COL26A1: variants seen among roughly 807,000 people sequenced by gnomAD.
COL26A1 encodes collagen alpha-1(XXVI) chain.
COL26A1 carries 41 observed loss-of-function variants against 59.3 expected under a neutral mutation model. That is an observed-to-expected ratio of 0.69 (90% CI 0.54 to 0.90). COL26A1 has a LOEUF of 0.90. Among genes scored for constraint, COL26A1 ranks in the 40% least tolerant of loss-of-function variants. The probability of loss-of-function intolerance (pLI) is 0.00; values close to 1 mark genes in which losing one functional copy is unlikely to be tolerated. For synonymous variants in COL26A1, 266 were observed against 256.0 expected (o/e 1.04, Z -0.37); for missense variants, 612 against 602.3 (o/e 1.02, Z -0.17).
chr7:101,557,537 A>G lies in COL26A1; in HGVS notation c.*7A>G. On this transcript the variant is annotated 3_prime_UTR_variant, in exon 13 of 13. Transcript: ENST00000313669. ...GGCCAGCAGCAGGAAGTGAGAGCCC[A>G]CTGCTCCAGGACACCCTGTCCTGGC... 6.2e-7 allele frequency: 1 copy of G among 1,603,622 alleles called. No homozygotes were observed. Among genetic ancestry groups the G allele is most frequent in the Non-Finnish European group, 8.5e-7 (1 of 1,173,116 alleles).
At chr7:101,397,371 T>C (rs1791879860) in intron 1 of COL26A1, among the ~76,000 whole-genome samples, 1 of 150,866 alleles carries the variant, frequency 6.6e-6, no homozygotes, top group Non-Finnish European at 1.5e-5. Context: ...CTTCCTTCCT[T>C]CTTCTTCATC....
intron 2 of COL26A1, among the ~76,000 whole-genome samples, chr7:101,435,238 A>C (rs1792887165): frequency 6.6e-6 from 1 of 152,166 alleles, no homozygotes; most frequent in African/African-American, 2.4e-5. Flanking sequence ...AGACGTGCTC[A>C]AACCCGGGAG....
chr7:101,473,471 G>T (rs1793954028), intron 3 of COL26A1, among the ~76,000 whole-genome samples: 1 of 116,100 alleles, frequency 8.6e-6, no homozygotes, highest in African/African-American at 3.3e-5. Context: ...GTCAAACCTG[G>T]TCCCACCACC....
chr7:101,387,311 T>C lies in COL26A1; in HGVS notation c.158+24121T>C, dbSNP rs996434381. On this transcript the variant is annotated intron_variant, in intron 1 of 12. Coordinates refer to ENST00000313669, the MANE Select transcript of COL26A1 (RefSeq NM_001278563.3). ...AGCCCATAGCCCAGCAGGCTCTGGG[T>C]GCTTCAGGGTTCAGGCTCCTGTGGT... 3.3e-5 allele frequency among the ~76,000 whole-genome samples: 5 copies of C among 151,310 alleles called. No homozygotes were observed. The Admixed American group carries it at 3.3e-4, about 10-fold the overall frequency.
chr7:101,426,542 A>T (rs1385944121), intron 2 of COL26A1, among the ~76,000 whole-genome samples: 1 of 152,092 alleles, frequency 6.6e-6, no homozygotes, highest in African/African-American at 2.4e-5. Context: ...GAGGAAGGGG[A>T]TGGGACACAG....
chr7:101,489,836 TTCTTTC>T (rs1794399953), intron 3 of COL26A1, among the ~76,000 whole-genome samples: 1 of 17,496 alleles, frequency 5.7e-5, no homozygotes, highest in African/African-American at 5.4e-4. Flanking sequence ...CTTTCTTTCT[TTCTTTC>T]TTTCTTTCTT....
chr7:101,425,293 G>A (rs947729801), intron 2 of COL26A1, among the ~76,000 whole-genome samples: 1 of 152,096 alleles, frequency 6.6e-6, no homozygotes. Flanking sequence ...ACTGAGGCAG[G>A]AGAATCGCTT....
chr7:101,431,302 G>T (rs975039671), intron 2 of COL26A1, among the ~76,000 whole-genome samples: 21 of 151,930 alleles, frequency 1.4e-4, no homozygotes, highest in Admixed American at 1.1e-3. Flanking sequence ...GCCCAGGCTG[G>T]AGTGCACTGG....
At chr7:101,400,552 A>G (rs1791972839) in intron 1 of COL26A1, among the ~76,000 whole-genome samples, 1 of 147,100 alleles carries the variant, frequency 6.8e-6, no homozygotes, top group African/African-American at 2.5e-5. Flanking sequence ...ATTTTATTTT[A>G]TTTTTTGTTT....
chr7:101,505,014 G>A (rs941267600), intron 3 of COL26A1, among the ~76,000 whole-genome samples: 1 of 152,206 alleles, frequency 6.6e-6, no homozygotes, highest in Non-Finnish European at 1.5e-5. Flanking sequence ...AATTAGCCGG[G>A]TATGGTGGCG....
intron 3 of COL26A1, among the ~76,000 whole-genome samples, chr7:101,455,831 C>T (rs557726070): frequency 5.9e-5 from 9 of 152,140 alleles, no homozygotes; most frequent in Admixed American, 1.3e-4. Flanking sequence ...TGCAGGTGCA[C>T]GCCACCAGGC....
chr7:101,402,174 G>A (rs1283368076), intron 1 of COL26A1, among the ~76,000 whole-genome samples: 1 of 152,154 alleles, frequency 6.6e-6, no homozygotes, highest in Non-Finnish European at 1.5e-5. Flanking sequence ...CCAGAGCCTG[G>A]TCCTTTGGAA....
intron 1 of COL26A1, among the ~76,000 whole-genome samples, chr7:101,376,149 AAAAAGAAT>A (rs1379523569): frequency 1.3e-5 from 2 of 151,334 alleles, no homozygotes; most frequent in Non-Finnish European, 2.9e-5. Flanking sequence ...AAAAAAAAAA[AAAAAGAAT>A]AGAAACTAGC....
At position 101,557,426 on chromosome 7, in the gene COL26A1, C is replaced by T. The variant is rs1434198793; in HGVS notation, c.1222C>T (p.Leu408Phe). 1.2e-6 allele frequency: 2 copies of T among 1,613,802 alleles called. No individual in the cohort carries two copies. The highest frequency in any genetic ancestry group is 1.1e-5 in the South Asian group (1 of 91,060). The change falls in exon 13 of 13, where the codon CTC becomes TTC. Residue 408 changes from leucine to phenylalanine, a missense_variant. Coordinates refer to ENST00000313669, the MANE Select transcript of COL26A1 (RefSeq NM_001278563.3). ...SGQDAALRAN[L>F]KMKRGGAQPD... Reference sequence around the variant, plus strand: ...CCAGGATGCTGCCCTGAGAGCCAACCTCAAGATGAAGAGGGGTGGCGCCCA... The same window carrying T: ...CCAGGATGCTGCCCTGAGAGCCAACTTCAAGATGAAGAGGGGTGGCGCCCA...
intron 3 of COL26A1, among the ~76,000 whole-genome samples, chr7:101,506,548 T>A (rs1584471249): frequency 6.6e-6 from 1 of 152,180 alleles, no homozygotes; most frequent in East Asian, 1.9e-4. Flanking sequence ...AGGGGTGAGC[T>A]GCAGGGCTGG....
chr7:101,387,738 A>T (rs1175525375), intron 1 of COL26A1, among the ~76,000 whole-genome samples: 20 of 101,206 alleles, frequency 2.0e-4, no homozygotes, highest in East Asian at 7.2e-4. Flanking sequence ...TAATATAATT[A>T]TATATATATA....
At chr7:101,485,043 G>A (rs1794239192) in intron 3 of COL26A1, among the ~76,000 whole-genome samples, 1 of 151,794 alleles carries the variant, frequency 6.6e-6, no homozygotes, top group South Asian at 2.1e-4. Flanking sequence ...GTAGAGACGG[G>A]GTTTCACTAT....
intron 3 of COL26A1, among the ~76,000 whole-genome samples, chr7:101,497,682 AAAATAAAT>A: frequency 6.6e-6 from 1 of 151,650 alleles, no homozygotes; most frequent in Non-Finnish European, 1.5e-5. Context: ...CCTCAGAAAA[AAAATAAAT>A]AAATAAAAGG....
intron 3 of COL26A1, among the ~76,000 whole-genome samples, chr7:101,502,536 G>A (rs1173339939): frequency 6.6e-6 from 1 of 152,232 alleles, no homozygotes; most frequent in Non-Finnish European, 1.5e-5. Flanking sequence ...AGAAACTCCT[G>A]CCAAGCTGGA....
Sources: allele counts gnomAD v4.1 joint callset (sites outside exome capture counted in the v4.1 genomes callset), GRCh38; gene constraint gnomAD v4.1.1; transcripts MANE v1.5; gene names NCBI Gene and HGNC (gene_info 2026-07-23, HGNC 2026-07-21).